Variants in MMP11 observed in about 807,000 individuals in gnomAD.
MMP11 encodes the protein matrix metallopeptidase 11.
In MMP11, 26 loss-of-function variants were observed where a neutral mutation model predicts 49.5. The observed-to-expected ratio is 0.52, with a 90% CI of 0.38 to 0.73. The LOEUF (loss-of-function observed/expected upper bound fraction) is 0.73. Ranked by LOEUF, MMP11 falls within the 30% of genes least tolerant of loss-of-function variation. MMP11 has a pLI of 0.00. For synonymous variants in MMP11, 265 were observed against 282.3 expected, an observed-to-expected ratio of 0.94 and a Z score of 0.62; for missense variants, 624 against 671.2, an observed-to-expected ratio of 0.93 and a Z score of 0.78.
chr22:23,780,636 T>C lies in MMP11; in HGVS notation c.537T>C (p.His179=), dbSNP rs929909025. ...PFDGPGGILA[H]AFFPKTHREG... is the part of the protein sequence containing the mutation. ...ATGGGCCTGGGGGCATCCTGGCCCA[T>C]GCCTTCTTCCCCAAGACTCACCGAG... Residue 179 remains histidine, a synonymous_variant, in exon 4 of 8, where the codon CAT becomes CAC. Coordinates refer to ENST00000215743, the MANE Select transcript of MMP11 (RefSeq NM_005940.5). This position sits in a 1 kb window ranked among gnomAD's most constrained non-coding sequence, Gnocchi z 4.6. 2 of 1,591,560 alleles carry C rather than the reference T, an allele frequency of 1.3e-6. No homozygotes were observed. Among genetic ancestry groups the C allele is most frequent in the African/African-American group, 1.3e-5 (1 of 74,588 alleles).
Position 23,772,870 on chromosome 22 carries a change from G to T in MMP11, c.-1G>T, listed in dbSNP as rs1229461195. ...CAGCAAGCCCAGCAGCCCCGGGGCG[G>T]ATGGCTCCGGCCGCCTGGCTCCGCA... On this transcript the variant is annotated 5_prime_UTR_variant, in exon 1 of 8. Coordinates refer to ENST00000215743, the MANE Select transcript of MMP11 (RefSeq NM_005940.5). 4 of 1,155,852 alleles carry T rather than the reference G, an allele frequency of 3.5e-6. No individual in the cohort carries two copies. Among genetic ancestry groups the T allele is most frequent in the Non-Finnish European group, 4.3e-6 (4 of 939,510 alleles). 71.6% of individuals were successfully genotyped at this position (1,155,852 alleles called of 1,614,324 possible). A position where few individuals can be genotyped will look rare whatever the true frequency, so the allele number is the denominator to read the frequency against.
At chr22:23,778,828 G>A (rs994913910) in intron 1 of MMP11, among the ~76,000 whole-genome samples, 1 of 152,190 alleles carries the variant, frequency 6.6e-6, no homozygotes, top group African/African-American at 2.4e-5. Context: ...AGGTTGCCTG[G>A]TGTTCCTTCG....
rs1238403894 is a variant in MMP11, at chr22:23,783,455, C to G, written c.1378C>G (p.Pro460Ala). 1.9e-6 allele frequency: 3 copies of G among 1,614,198 alleles called. No individual in the cohort carries two copies. The highest frequency in any genetic ancestry group is 2.5e-6 in the Non-Finnish European group (3 of 1,180,034). ...CGGCCGCCTCTACTGGAAGTTTGACCCTGTGAAGGTGAAGGCTCTGGAAGG... is the reference window on the plus strand; with the variant it reads ...CGGCCGCCTCTACTGGAAGTTTGACGCTGTGAAGGTGAAGGCTCTGGAAGG... ...LRGRLYWKFD[P>A]VKVKALEGFP... Residue 460 changes from proline (P) to alanine (A), a missense_variant, in exon 8 of 8, where the codon CCT becomes GCT. By Grantham distance (27) the Pro-to-Ala change is conservative. Coordinates refer to ENST00000215743, the MANE Select transcript of MMP11 (RefSeq NM_005940.5).
rs1927719446 is a variant in MMP11, at chr22:23,783,464, G to T, written c.1387G>T (p.Val463Leu). The change falls in exon 8 of 8, where the codon GTG becomes TTG. Residue 463 changes from valine to leucine, a missense_variant. Coordinates refer to ENST00000215743, the MANE Select transcript of MMP11 (RefSeq NM_005940.5). Reference protein sequence around the residue: ...RLYWKFDPVKVKALEGFPRLV... With the variant: ...RLYWKFDPVKLKALEGFPRLV... ...CTACTGGAAGTTTGACCCTGTGAAG[G>T]TGAAGGCTCTGGAAGGCTTCCCCCG... The T allele has an allele frequency of 6.2e-7, 1 of 1,614,030 alleles. No homozygotes were observed. The highest frequency in any genetic ancestry group is 8.5e-7 in the Non-Finnish European group (1 of 1,180,012).
At chr22:23,777,058 C>G (rs574427756) in intron 1 of MMP11, among the ~76,000 whole-genome samples, 4 of 150,492 alleles carry the variant, frequency 2.7e-5, no homozygotes, top group African/African-American at 9.7e-5. Flanking sequence ...CCGCCTGCCT[C>G]GGCCTCCCAA....
At chr22:23,775,031 C>A (rs148762416) in intron 1 of MMP11, among the ~76,000 whole-genome samples, 85 of 152,326 alleles carry the variant, frequency 5.6e-4, no homozygotes, top group African/African-American at 2.0e-3. Flanking sequence ...GAGCTAAGAA[C>A]CCACCACAGG....
chr22:23,778,860 T>C lies in MMP11; in HGVS notation c.109-327T>C, dbSNP rs28363643. Reference sequence around the variant, plus strand: ...TTCGGAGGAAGCTTTTTGGGGTCCATTCCTGGAGTGTATGGCTCATAGCCA... The same window carrying C: ...TTCGGAGGAAGCTTTTTGGGGTCCACTCCTGGAGTGTATGGCTCATAGCCA... On this transcript the variant is annotated intron_variant, in intron 1 of 7. Coordinates refer to ENST00000215743, the MANE Select transcript of MMP11 (RefSeq NM_005940.5). Among the ~76,000 whole-genome samples the C allele has an allele frequency of 2.8e-3, 422 of 152,278 alleles. 2 individuals are homozygous for C. Among genetic ancestry groups the C allele is most frequent in the African/African-American group, 9.4e-3 (389 of 41,556 alleles).
rs774394136 is a variant in MMP11 at position 23,779,303 on chromosome 22, C to T, written c.225C>T (p.Leu75=). 6 of 1,611,960 alleles carry T rather than the reference C, an allele frequency of 3.7e-6. No individual in the cohort carries two copies. The highest frequency in any genetic ancestry group is 5.1e-6 in the Non-Finnish European group (6 of 1,179,548). ...AAGCCCCCCGGCCTGCCAGCAGCCTCAGGCCTCCCCGCTGTGGCGTGCCCG... is the reference window on the plus strand; with the variant it reads ...AAGCCCCCCGGCCTGCCAGCAGCCTTAGGCCTCCCCGCTGTGGCGTGCCCG... ...TQEAPRPASS[L]RPPRCGVPDP... The change falls in exon 2 of 8, where the codon CTC becomes CTT. Residue 75 remains leucine, a synonymous_variant. Coordinates refer to ENST00000215743, the MANE Select transcript of MMP11 (RefSeq NM_005940.5).
At chr22:23,775,970 G>T (rs1057289513) in intron 1 of MMP11, among the ~76,000 whole-genome samples, 1 of 152,258 alleles carries the variant, frequency 6.6e-6, no homozygotes, top group African/African-American at 2.4e-5. Context: ...AGATAGGAAA[G>T]TTGAGGCTAA....
Position 23,781,257 on chromosome 22 carries a change from TC to T in MMP11, c.924del (p.Phe310SerfsTer74). 2 of 1,611,832 alleles carry T rather than the reference TC, an allele frequency of 1.2e-6. No homozygotes were observed. Among genetic ancestry groups the T allele is most frequent in the Non-Finnish European group, 1.7e-6 (2 of 1,180,028 alleles). ...FDAVSTIRGELFFFKAGFVWR... is the reference protein window; with the variant it reads ...FDAVSTIRGEXFFFKAGFVWR... ...GCGGTCTCCACCATCCGAGGCGAGC[TC>T]TTTTTCTTCAAAGCGGGCTTTGTGT... On this transcript the variant is annotated frameshift_variant, in exon 6 of 8. Coordinates refer to ENST00000215743, the MANE Select transcript of MMP11 (RefSeq NM_005940.5). LOFTEE classifies it high-confidence loss of function.
Position 23,783,797 on chromosome 22 carries a change from G to A in MMP11, c.*253G>A, listed in dbSNP as rs28382577. ...GACTTAAGAGGAAGGGCAGTCTTGG[G>A]CCCGCTATGCAGGTCCTGGCAAACC... On this transcript the variant is annotated 3_prime_UTR_variant, in exon 8 of 8. Transcript: ENST00000215743. The A allele has an allele frequency of 0.015, 8,090 of 551,066 alleles. 298 individuals are homozygous for A. Among genetic ancestry groups the A allele is most frequent in the South Asian group, 0.095 (4,539 of 47,872 alleles). 34.1% of individuals were successfully genotyped at this position (551,066 alleles called of 1,614,324 possible).
chr22:23,775,762 T>G (rs977098695), intron 1 of MMP11, among the ~76,000 whole-genome samples: 12 of 152,260 alleles, frequency 7.9e-5, no homozygotes, highest in Admixed American at 2.6e-4. Flanking sequence ...CCTGAAGATT[T>G]TGTTGGGTAG....
At chr22:23,781,613 A>C in intron 6 of MMP11, 1 of 629,856 alleles carries the variant, frequency 1.6e-6, no homozygotes, top group South Asian at 1.9e-5. Flanking sequence ...AGATAGGAGC[A>C]GCGTGGAAGG....
intron 6 of MMP11, 168 bp from the exon 7 acceptor site, chr22:23,782,058 C>T: frequency 9.9e-7 from 1 of 1,008,584 alleles, no homozygotes; most frequent in Non-Finnish European, 1.5e-6. Context: ...CCCAGGCCTC[C>T]CGCTTCCCTC....
chr22:23,782,807 G>C (rs1038941475), intron 7 of MMP11, among the ~76,000 whole-genome samples: 1 of 152,160 alleles, frequency 6.6e-6, no homozygotes, highest in Non-Finnish European at 1.5e-5. Flanking sequence ...ACAGCCCTCT[G>C]ATGTGACACC....
chr22:23,780,704 G>T lies in MMP11; in HGVS notation c.605G>T (p.Gly202Val), dbSNP rs374560133. The change falls in exon 4 of 8, where the codon GGG becomes GTG. Residue 202 changes from glycine (G) to valine (V), a missense_variant. Transcript: ENST00000215743. This position sits in a 1 kb window ranked among gnomAD's most constrained non-coding sequence, Gnocchi z 4.6. ...HFDYDETWTI[G>V]DDQGTDLLQV... is the part of the protein sequence containing the mutation. Reference sequence around the variant, plus strand: ...GACTATGATGAGACCTGGACTATCGGGGATGACCAGGGTATGGGCTGGGGA... The same window carrying T: ...GACTATGATGAGACCTGGACTATCGTGGATGACCAGGGTATGGGCTGGGGA... 2 of 1,553,892 alleles carry T rather than the reference G, an allele frequency of 1.3e-6. No homozygotes were observed. The highest frequency in any genetic ancestry group is 1.2e-5 in the South Asian group (1 of 81,858).
chr22:23,774,008 G>A (rs1927325290), intron 1 of MMP11, among the ~76,000 whole-genome samples: 1 of 152,188 alleles, frequency 6.6e-6, no homozygotes, highest in Non-Finnish European at 1.5e-5. Context: ...TGAATGGGGG[G>A]CATCTCAGTC....
At position 23,779,213 on chromosome 22, in the gene MMP11, G is replaced by T; in HGVS notation, c.135G>T (p.Arg45Ser). The T allele has an allele frequency of 1.2e-6, 2 of 1,605,536 alleles. No homozygotes were observed. The change falls in exon 2 of 8, where the codon AGG (arginine) becomes AGT (serine). Residue 45 changes from arginine (R) to serine (S), a missense_variant. By Grantham distance (110) the Arg-to-Ser change is moderately radical. Coordinates refer to ENST00000215743, the MANE Select transcript of MMP11 (RefSeq NM_005940.5). ...ACGCCCACCACCTCCATGCCGAGAG[G>T]AGGGGGCCACAGCCCTGGCATGCAG... is the stretch of plus-strand genomic sequence containing the variant. Reference protein sequence around the residue: ...PPDAHHLHAERRGPQPWHAAL... With the variant: ...PPDAHHLHAESRGPQPWHAAL...
intron 1 of MMP11, among the ~76,000 whole-genome samples, chr22:23,775,586 G>T (rs373536459): frequency 4.6e-5 from 7 of 152,222 alleles, no homozygotes; most frequent in East Asian, 3.8e-4. Flanking sequence ...CTAGCTAGAG[G>T]CCTCATTTCT....
Sources: gnomAD v4.1 joint callset for allele counts (sites outside exome capture counted in the v4.1 genomes callset) on GRCh38, gnomAD v4.1.1 for gene constraint, Gnocchi (gnomAD v3.1) non-coding constraint, MANE v1.5 for transcripts, NCBI Gene and HGNC (gene_info 2026-07-23, HGNC 2026-07-21) for gene names.